Variants in EDC3 observed in about 807,000 individuals in gnomAD.
EDC3 encodes the protein enhancer of mRNA decapping 3.
Under a neutral mutation model 41.8 loss-of-function variants are expected in EDC3, and 20 were observed. The observed-to-expected ratio is 0.48, with a 90% CI of 0.34 to 0.70. The LOEUF is 0.70. EDC3 is among the 30% of genes least tolerant of loss of function. The pLI is 0.01. For missense variants in EDC3, 444 were observed against 636.8 expected (o/e 0.70, Z 3.26); for synonymous variants, 206 against 243.2 (o/e 0.85, Z 1.42).
At chr15:74,663,585 A>T (rs1175269584) in intron 3 of EDC3, among the ~76,000 whole-genome samples, 1 of 152,062 alleles carries the variant, frequency 6.6e-6, no homozygotes, top group Non-Finnish European at 1.5e-5. Context: ...AATCCTTTTT[A>T]AAAAATCCAA....
rs1256094473 is a variant in EDC3, at chr15:74,653,115, G to A, written c.820+2618C>T. Among the ~76,000 whole-genome samples, 4 of 151,678 alleles carry A rather than the reference G, an allele frequency of 2.6e-5. No individual in the cohort carries two copies. The East Asian group carries it at 5.9e-4, about 22-fold the overall frequency. ...GAATCGCTTGAACCTGGGAGGTAGA[G>A]GTTGCGGTGCGCTGAGAGCTGAGAT... On this transcript the variant is annotated intron_variant, in intron 4 of 6. Coordinates refer to ENST00000315127, the MANE Select transcript of EDC3 (RefSeq NM_025083.5).
intron 1 of EDC3, among the ~76,000 whole-genome samples, chr15:74,682,503 A>C (rs1282027931): frequency 6.6e-6 from 1 of 151,394 alleles, no homozygotes; most frequent in Non-Finnish European, 1.5e-5. Context: ...CTGTAATCCC[A>C]GCTACTCGGG....
At chr15:74,656,814 A>T (rs1162181478) in intron 3 of EDC3, among the ~76,000 whole-genome samples, 1 of 152,188 alleles carries the variant, frequency 6.6e-6, no homozygotes, top group Admixed American at 6.5e-5. Flanking sequence ...CCCCAGACTC[A>T]GTCAGCAGAG....
At chr15:74,639,038 C>T (rs1208576461) in intron 5 of EDC3, 1 of 152,168 alleles carries the variant, frequency 6.6e-6, no homozygotes, top group Non-Finnish European at 1.5e-5. Context: ...CCACTGCAGC[C>T]TCTGGAGTAA....
In EDC3 at chr15:74,640,571, A is replaced by T; in HGVS notation, c.869T>A (p.Leu290Gln). 6.2e-7 allele frequency: 1 copy of T among 1,614,236 alleles called. No individual in the cohort carries two copies. The highest frequency in any genetic ancestry group is 8.5e-7 in the Non-Finnish European group (1 of 1,180,038). Residue 290 changes from leucine (L) to glutamine (Q), a missense_variant, in exon 5 of 7, where the codon CTG becomes CAG. By Grantham distance (113) the Leu-to-Gln change is moderately radical. Transcript: ENST00000315127. ...CCCATGCTTCTCAGCCACGGACAACAGCTTTTTATGCAGCTCATAGGAAAT... is the reference window on the plus strand; with the variant it reads ...CCCATGCTTCTCAGCCACGGACAACTGCTTTTTATGCAGCTCATAGGAAAT... ...PSISYELHKK[L>Q]LSVAEKHGLT...
chr15:74,659,115 T>C (rs187829791), intron 3 of EDC3, among the ~76,000 whole-genome samples: 7 of 152,282 alleles, frequency 4.6e-5, no homozygotes, highest in African/African-American at 9.6e-5. Flanking sequence ...ACTTATGCCA[T>C]AGCTAGGTGC....
intron 4 of EDC3, among the ~76,000 whole-genome samples, chr15:74,653,005 C>A (rs1439018967): frequency 1.3e-5 from 2 of 152,030 alleles, no homozygotes; most frequent in African/African-American, 4.8e-5. Context: ...CACGGTGAAA[C>A]CTCGTCTCTA....
intron 3 of EDC3, among the ~76,000 whole-genome samples, chr15:74,670,825 G>A (rs1490026157): frequency 1.3e-5 from 2 of 152,166 alleles, no homozygotes; most frequent in African/African-American, 4.8e-5. Context: ...ATTCTTCTTG[G>A]TGTGTCAGTA....
chr15:74,675,860 G>A (rs1431447440), intron 1 of EDC3, among the ~76,000 whole-genome samples: 3 of 147,884 alleles, frequency 2.0e-5, no homozygotes, highest in Non-Finnish European at 4.4e-5. Context: ...CAGCCTGGGC[G>A]ACAGAGAGAG....
In EDC3 at chr15:74,632,549, C is replaced by T; in HGVS notation, c.*63G>A. On this transcript the variant is annotated 3_prime_UTR_variant, in exon 7 of 7. Transcript: ENST00000315127. The surrounding 1 kb of genome is among the most constrained non-coding windows in gnomAD (Gnocchi z 4.0). ...TAACAAGGTCCATGAAGCTTCATAT[C>T]CTTAAGGCGTTTGTTATCAGGAGCA... 1 of 1,561,858 alleles carries T rather than the reference C, an allele frequency of 6.4e-7. No individual in the cohort carries two copies.
At chr15:74,693,446 C>A (rs2063030889) in intron 1 of EDC3, among the ~76,000 whole-genome samples, 1 of 152,144 alleles carries the variant, frequency 6.6e-6, no homozygotes, top group Non-Finnish European at 1.5e-5. Flanking sequence ...TGGCAATCAC[C>A]AACCAAATGA....
intron 1 of EDC3, 69 bp from the exon 2 acceptor site, chr15:74,675,211 A>C: frequency 7.0e-7 from 1 of 1,432,556 alleles, no homozygotes; most frequent in Non-Finnish European, 9.7e-7. Flanking sequence ...TTCAGCAAAT[A>C]TATCAGGCTC....
intron 1 of EDC3, among the ~76,000 whole-genome samples, chr15:74,684,528 A>C (rs1282479553): frequency 6.6e-6 from 1 of 151,250 alleles, no homozygotes; most frequent in East Asian, 1.9e-4. Flanking sequence ...GCTTTCCCCA[A>C]GTACTGAGGA....
chr15:74,686,258 G>A (rs2062935994), intron 1 of EDC3, among the ~76,000 whole-genome samples: 1 of 152,150 alleles, frequency 6.6e-6, no homozygotes, highest in Non-Finnish European at 1.5e-5. Flanking sequence ...CCGGGAGGCG[G>A]AGGATGCAGT....
chr15:74,656,124 G>A lies in EDC3; in HGVS notation c.485-56C>T, dbSNP rs912082243. On this transcript the variant is annotated intron_variant, in intron 3 of 6. Coordinates refer to ENST00000315127, the MANE Select transcript of EDC3 (RefSeq NM_025083.5). ...TATCCACAGAAAGCGCTCAGTGAACGTGGAAAATACATTAGTCTTTTGTGG... is the reference window on the plus strand; with the variant it reads ...TATCCACAGAAAGCGCTCAGTGAACATGGAAAATACATTAGTCTTTTGTGG... The A allele has an allele frequency of 2.2e-5, 33 of 1,478,984 alleles. No individual in the cohort carries two copies. In the South Asian group the frequency reaches 3.2e-4, roughly 14 times the overall value. The allele number at this position is 1,478,984 out of a possible 1,614,324, so 91.6% of individuals were successfully genotyped here.
At chr15:74,654,005 C>T (rs908753198) in intron 4 of EDC3, among the ~76,000 whole-genome samples, 6 of 152,036 alleles carry the variant, frequency 3.9e-5, no homozygotes, top group South Asian at 4.2e-4. Flanking sequence ...GTAATCCCAG[C>T]GCTTTGGGAG....
intron 1 of EDC3, among the ~76,000 whole-genome samples, chr15:74,687,885 C>G (rs771574940): frequency 6.6e-6 from 1 of 152,100 alleles, no homozygotes; most frequent in Non-Finnish European, 1.5e-5. Flanking sequence ...AGAAATTAAC[C>G]AGATATGAAA....
At chr15:74,682,761 G>A (rs934294868) in intron 1 of EDC3, among the ~76,000 whole-genome samples, 3 of 152,078 alleles carry the variant, frequency 2.0e-5, no homozygotes, top group East Asian at 1.9e-4. Flanking sequence ...AGTGGCTCAC[G>A]CCTGTAATCC....
intron 4 of EDC3, among the ~76,000 whole-genome samples, chr15:74,650,517 C>A (rs2062468297): frequency 6.6e-6 from 1 of 152,190 alleles, no homozygotes; most frequent in Non-Finnish European, 1.5e-5. Flanking sequence ...TCCTGCCTCT[C>A]AACACCTAGT....
Sources: allele counts gnomAD v4.1 joint callset (sites outside exome capture counted in the v4.1 genomes callset), GRCh38; gene constraint gnomAD v4.1.1; non-coding constraint Gnocchi (gnomAD v3.1); transcripts MANE v1.5; gene names NCBI Gene and HGNC (gene_info 2026-07-23, HGNC 2026-07-21).